The following DKKL1 variants were observed in gnomAD, a reference collection of about 807,000 sequenced individuals.
DKKL1 encodes dickkopf like acrosomal protein 1, also known as dickkopf-like protein 1.
DKKL1 carries 11 observed loss-of-function variants against 16.5 expected under a neutral mutation model. The observed-to-expected ratio is 0.67, with a 90% confidence interval of 0.42 to 1.10. The LOEUF is 1.10. Ranked by LOEUF, DKKL1 falls within the 50% of genes least tolerant of loss-of-function variation. The probability of loss-of-function intolerance (pLI) is 0.00; values close to 1 mark genes in which losing one functional copy is unlikely to be tolerated. For synonymous variants in DKKL1, 119 were observed against 133.2 expected (o/e 0.89, Z 0.73); for missense variants, 320 against 308.1 (o/e 1.04, Z -0.29).
In DKKL1 at chr19:49,365,490, G is replaced by A. The variant is rs746574001; in HGVS notation, c.184-19G>A. ...AGATGTGAGGTCCAGCAGCTCACCA[G>A]TCCCTCCTCCGGCCCCAGGGTAACC... On this transcript the variant is annotated intron_variant, in intron 2 of 4. Transcript: ENST00000221498. The A allele has an allele frequency of 1.9e-6, 3 of 1,581,814 alleles. No individual in the cohort carries two copies. Among genetic ancestry groups the A allele is most frequent in the Non-Finnish European group, 2.6e-6 (3 of 1,161,344 alleles).
At chr19:49,365,487 C>A in intron 2 of DKKL1, 22 bp from the exon 3 acceptor site, 1 of 1,578,680 alleles carries the variant, frequency 6.3e-7, no homozygotes, top group South Asian at 1.2e-5. Flanking sequence ...CAGCAGCTCA[C>A]CAGTCCCTCC....
In DKKL1 at chr19:49,364,673, T is replaced by C. The variant is rs1293538524; in HGVS notation, c.102T>C (p.His34=). The C allele has an allele frequency of 6.2e-7, 1 of 1,614,010 alleles. No individual in the cohort carries two copies. The highest frequency in any genetic ancestry group is 8.5e-7 in the Non-Finnish European group (1 of 1,180,018). The part of the protein sequence containing the change: ...LVIPSAAAPI[H]DADAQESSLG... ...TCCCCTCCGCTGCAGCTCCTATCCA[T>C]GATGCTGACGCCCAAGAGAGCTCCT... Residue 34 remains histidine, a synonymous_variant, in exon 2 of 5, where the codon CAT becomes CAC. Coordinates refer to ENST00000221498, the MANE Select transcript of DKKL1 (RefSeq NM_014419.4).
At chr19:49,360,850 AGG>A (rs1972822331), upstream of DKKL1, among the ~76,000 whole-genome samples, 1 of 88,092 alleles carries the variant, frequency 1.1e-5, no homozygotes, top group Non-Finnish European at 2.1e-5. Flanking sequence ...CCAGAGAGAG[AGG>A]GGGACAGAGA....
At chr19:49,366,390 C>A (rs1973251344) in intron 4 of DKKL1, among the ~76,000 whole-genome samples, 1 of 151,750 alleles carries the variant, frequency 6.6e-6, no homozygotes, top group Non-Finnish European at 1.5e-5. Flanking sequence ...AATACATCTG[C>A]AAGGGTTTAG....
chr19:49,373,476 C>T (rs1269725015), intron 4 of DKKL1, among the ~76,000 whole-genome samples: 1 of 151,770 alleles, frequency 6.6e-6, no homozygotes, highest in East Asian at 1.9e-4. Flanking sequence ...GTTGTTTGTT[C>T]GTTTGTTTTT....
At chr19:49,360,804 G>A (rs1251527689), upstream of DKKL1, among the ~76,000 whole-genome samples, 1 of 137,200 alleles carries the variant, frequency 7.3e-6, no homozygotes, top group Non-Finnish European at 1.6e-5. Context: ...CAGCAAGGGG[G>A]GGGGACAGAG....
At chr19:49,367,915 C>G (rs1973320595) in intron 4 of DKKL1, among the ~76,000 whole-genome samples, 2 of 152,134 alleles carry the variant, frequency 1.3e-5, no homozygotes, top group African/African-American at 2.4e-5. Flanking sequence ...GTGGCTTACA[C>G]CTATAATCCT....
chr19:49,372,252 T>A (rs1385943788), intron 4 of DKKL1, among the ~76,000 whole-genome samples: 1 of 152,150 alleles, frequency 6.6e-6, no homozygotes, highest in East Asian at 1.9e-4. Context: ...ATCCCTGGGC[T>A]CTATCCACTA....
chr19:49,372,739 C>T (rs1973550993), intron 4 of DKKL1, among the ~76,000 whole-genome samples: 1 of 150,678 alleles, frequency 6.6e-6, no homozygotes, highest in Non-Finnish European at 1.5e-5. Context: ...TGGTGGCTTA[C>T]ACCTATAATC....
At chr19:49,374,152 A>G (rs958623348) in intron 4 of DKKL1, among the ~76,000 whole-genome samples, 6 of 151,546 alleles carry the variant, frequency 4.0e-5, no homozygotes, top group African/African-American at 1.2e-4. Flanking sequence ...GCCCGGCTAA[A>G]TTTTTTTGTA....
rs541238096 is a variant in DKKL1, at chr19:49,372,216, C to T, written c.418-2501C>T. The stretch of plus-strand genomic sequence containing the variant: ...GATAATCTTTATTGTGGGAGCTGCC[C>T]TGTGCACTGTAGGATATTTGATAAC... On this transcript the variant is annotated intron_variant, in intron 4 of 4. Transcript: ENST00000221498. 2.6e-5 allele frequency among the ~76,000 whole-genome samples: 4 copies of T among 152,248 alleles called. No homozygotes were observed. The East Asian group carries it at 5.8e-4, about 22-fold the overall frequency.
In DKKL1 at chr19:49,364,008, G is replaced by A. The variant is rs766811263; in HGVS notation, c.10G>A (p.Ala4Thr). Residue 4 changes from alanine (A) to threonine (T), a missense_variant and splice_region_variant, in exon 1 of 5, where the codon GCC becomes ACC. Coordinates refer to ENST00000221498, the MANE Select transcript of DKKL1 (RefSeq NM_014419.4). ...GAAGAAGGGGCGGGGTATGGGAGAA[G>A]GTGAGGATTGAGATCTGGTGGTGAA... MGE[A>T]SPPAPARRHL... The A allele has an allele frequency of 6.2e-6, 10 of 1,613,432 alleles. No homozygotes were observed. The highest frequency in any genetic ancestry group is 1.3e-5 in the African/African-American group (1 of 75,046).
At chr19:49,363,697 A>C, upstream of DKKL1, 4 of 461,074 alleles carry the variant, frequency 8.7e-6, no homozygotes, top group East Asian at 8.5e-5. Flanking sequence ...TGGCCAGGGA[A>C]TGAACTCACG....
chr19:49,374,574 A>C (rs1270546911), intron 4 of DKKL1, 143 bp from the exon 5 acceptor site: 1 of 675,250 alleles, frequency 1.5e-6, no homozygotes, highest in Non-Finnish European at 2.3e-6. Flanking sequence ...TGTAAACCCA[A>C]GTGCTTTGTA....
chr19:49,371,751 G>C (rs1200341241), intron 4 of DKKL1, among the ~76,000 whole-genome samples: 5 of 152,030 alleles, frequency 3.3e-5, no homozygotes, highest in Non-Finnish European at 5.9e-5. Flanking sequence ...TGTTTCTCCT[G>C]ATGCTATCCC....
intron 4 of DKKL1, among the ~76,000 whole-genome samples, chr19:49,373,650 A>G (rs1046977664): frequency 1.5e-4 from 23 of 151,954 alleles, no homozygotes; most frequent in Non-Finnish European, 4.4e-5. Flanking sequence ...TCATATTTTT[A>G]GTAGAGACAG....
At chr19:49,371,568 C>T (rs1973487381) in intron 4 of DKKL1, among the ~76,000 whole-genome samples, 1 of 151,702 alleles carries the variant, frequency 6.6e-6, no homozygotes, top group African/African-American at 2.4e-5. Context: ...AATGACTTAC[C>T]TTAGTTTTTA....
At chr19:49,364,841 G>T (rs1466520021) in intron 2 of DKKL1, 87 bp downstream of exon 2, 1 of 1,505,564 alleles carries the variant, frequency 6.6e-7, no homozygotes, top group African/African-American at 1.4e-5. Flanking sequence ...CCAGGCAGGG[G>T]GACAGACAGG....
upstream of DKKL1, among the ~76,000 whole-genome samples, chr19:49,360,960 AC>A (rs1972837839): frequency 1.0e-5 from 1 of 100,020 alleles, no homozygotes; most frequent in African/African-American, 4.1e-5. Context: ...GAGACCAGTG[AC>A]GGAGGGGACA....
Sources: allele counts gnomAD v4.1 joint callset (sites outside exome capture counted in the v4.1 genomes callset), GRCh38; gene constraint gnomAD v4.1.1; transcripts MANE v1.5; gene names NCBI Gene and HGNC (gene_info 2026-07-23, HGNC 2026-07-21).